The following INPP5B variants were observed in gnomAD, a reference collection of about 807,000 sequenced individuals.
INPP5B encodes inositol polyphosphate-5-phosphatase B.
A neutral mutation model predicts 118.5 loss-of-function variants in INPP5B; 90 were observed. The ratio of observed to expected loss-of-function variants is 0.76; its 90% confidence interval spans 0.64 to 0.90. INPP5B has a LOEUF of 0.90. Among genes scored for constraint, INPP5B ranks in the 40% least tolerant of loss-of-function variants. INPP5B has a pLI of 0.00. For synonymous variants in INPP5B, 385 were observed against 418.9 expected (o/e 0.92, Z 0.99); for missense variants, 984 against 1,125.6 (o/e 0.87, Z 1.80).
Position 37,911,047 on chromosome 1 carries a change from G to A in INPP5B, c.533-19593C>T, listed in dbSNP as rs997925303. On this transcript the variant is annotated intron_variant, in intron 7 of 23. Transcript: ENST00000373024. ...AGCTGAAGTGCAGGGCTGTGTGGTC[G>A]GAATTCTTACACAAGAGCCGGGACC... Among the ~76,000 whole-genome samples the A allele has an allele frequency of 5.3e-5, 8 of 152,218 alleles. No individual in the cohort carries two copies. In the East Asian group the frequency reaches 7.7e-4, roughly 15 times the overall value.
chr1:37,926,451 T>G (rs928572944), intron 7 of INPP5B, among the ~76,000 whole-genome samples: 6 of 152,106 alleles, frequency 3.9e-5, no homozygotes, highest in African/African-American at 1.4e-4. Flanking sequence ...GCCCAGCTAA[T>G]TTTTTATATT....
At chr1:37,911,105 A>G (rs1570258609) in intron 7 of INPP5B, among the ~76,000 whole-genome samples, 1 of 152,104 alleles carries the variant, frequency 6.6e-6, no homozygotes, top group Non-Finnish European at 1.5e-5. Flanking sequence ...AAACAACTTG[A>G]CCTTACTCTT....
At chr1:37,868,459 A>T in intron 20 of INPP5B, 42 bp downstream of exon 20, 1 of 1,344,078 alleles carries the variant, frequency 7.4e-7, no homozygotes. Flanking sequence ...TCCTCAAGGC[A>T]GCCTGGCCTC....
intron 6 of INPP5B, among the ~76,000 whole-genome samples, chr1:37,938,392 C>T (rs1023301184): frequency 4.0e-5 from 6 of 151,884 alleles, no homozygotes; most frequent in African/African-American, 1.5e-4. Flanking sequence ...TAACGCATGC[C>T]AAATCAACAA....
intron 7 of INPP5B, among the ~76,000 whole-genome samples, chr1:37,894,265 C>A (rs1643934718): frequency 6.6e-6 from 1 of 152,184 alleles, no homozygotes. Context: ...TCTTAGAGGT[C>A]ATTTCCTCCA....
rs186239920 is a variant in INPP5B at position 37,913,408 on chromosome 1, C to A, written c.532+18505G>T. 1.8e-3 allele frequency among the ~76,000 whole-genome samples: 273 copies of A among 152,266 alleles called. 1 individual carries two copies. Among genetic ancestry groups the A allele is most frequent in the African/African-American group, 5.0e-3 (207 of 41,554 alleles). On this transcript the variant is annotated intron_variant, in intron 7 of 23. Coordinates refer to ENST00000373024, the MANE Select transcript of INPP5B (RefSeq NM_005540.3). ...CCAATCAAATAATTACGCTGAACCCCCTTGGACACTCTCTAATTGGATATC... is the reference window on the plus strand; with the variant it reads ...CCAATCAAATAATTACGCTGAACCCACTTGGACACTCTCTAATTGGATATC...
At chr1:37,902,010 A>G (rs1486795971) in intron 7 of INPP5B, among the ~76,000 whole-genome samples, 2 of 149,968 alleles carry the variant, frequency 1.3e-5, no homozygotes, top group Non-Finnish European at 3.0e-5. Flanking sequence ...TTTTTGAGGC[A>G]GAGTCTTACT....
At chr1:37,935,577 CCT>C (rs1215773914) in intron 6 of INPP5B, among the ~76,000 whole-genome samples, 2 of 151,942 alleles carry the variant, frequency 1.3e-5, no homozygotes, top group South Asian at 2.1e-4. Flanking sequence ...ATCAGTTTGA[CCT>C]CTCTATTTTT....
At chr1:37,897,110 G>C (rs994968940) in intron 7 of INPP5B, among the ~76,000 whole-genome samples, 5 of 147,746 alleles carry the variant, frequency 3.4e-5, no homozygotes, top group South Asian at 4.3e-4. Flanking sequence ...GAGGGAGGTC[G>C]GGGGGGTCAG....
chr1:37,877,063 T>C (rs1378714566), intron 16 of INPP5B, among the ~76,000 whole-genome samples: 5 of 143,400 alleles, frequency 3.5e-5, no homozygotes, highest in Admixed American at 3.5e-4. Flanking sequence ...ACAGTGTCTT[T>C]TGAAAAAAAA....
chr1:37,894,969 G>A (rs528787035), intron 7 of INPP5B, among the ~76,000 whole-genome samples: 157 of 152,292 alleles, frequency 1.0e-3, no homozygotes, highest in Non-Finnish European at 2.0e-3. Flanking sequence ...GAACTAGAAT[G>A]GGTTATGTCT....
chr1:37,887,349 A>AC lies in INPP5B; in HGVS notation c.1014+1dup. The AC allele has an allele frequency of 6.4e-7, 1 of 1,558,026 alleles. No individual in the cohort carries two copies. The highest frequency in any genetic ancestry group is 2.2e-5 in the East Asian group (1 of 44,588). On this transcript the variant is annotated splice_donor_variant, in intron 11 of 23. Transcript: ENST00000373024. LOFTEE classifies it high-confidence loss of function. ...TTAAGAGGTCCCTGACTCCTCTCTT[A>AC]CCTTTGCATATTTGGCATCTGGATG...
At chr1:37,862,960 G>A (rs1453140446) in intron 23 of INPP5B, among the ~76,000 whole-genome samples, 4 of 152,218 alleles carry the variant, frequency 2.6e-5, no homozygotes, top group African/African-American at 9.6e-5. Flanking sequence ...TTGTGGGGGA[G>A]GCAGCCCTGC....
chr1:37,897,701 C>G (rs980892590), intron 7 of INPP5B, among the ~76,000 whole-genome samples: 2 of 151,574 alleles, frequency 1.3e-5, no homozygotes, highest in Non-Finnish European at 2.9e-5. Context: ...CCAAATCCCC[C>G]TCTGCGAGAA....
At chr1:37,940,991 C>T (rs1164625056) in intron 5 of INPP5B, among the ~76,000 whole-genome samples, 193 bp from the exon 6 acceptor site, 2 of 152,114 alleles carry the variant, frequency 1.3e-5, no homozygotes, top group African/African-American at 4.8e-5. Flanking sequence ...ACATCATCCC[C>T]TCTTTATACA....
intron 7 of INPP5B, among the ~76,000 whole-genome samples, chr1:37,906,876 AAG>A (rs1644519847): frequency 6.6e-6 from 1 of 151,626 alleles, no homozygotes; most frequent in African/African-American, 2.4e-5. Flanking sequence ...AAAAAAAAGA[AAG>A]AAAGAAAAAA....
chr1:37,894,325 T>C (rs1302569764), intron 7 of INPP5B, among the ~76,000 whole-genome samples: 2 of 152,094 alleles, frequency 1.3e-5, no homozygotes, highest in African/African-American at 4.8e-5. Context: ...CTGACATTGG[T>C]GTTTCCATAG....
intron 23 of INPP5B, among the ~76,000 whole-genome samples, chr1:37,863,738 C>T (rs375705493): frequency 5.9e-5 from 9 of 151,302 alleles, no homozygotes; most frequent in East Asian, 1.9e-4. Flanking sequence ...CACAAAACCA[C>T]GGTATTATAA....
chr1:37,942,625 C>T (rs1342178197), intron 5 of INPP5B, among the ~76,000 whole-genome samples: 1 of 150,528 alleles, frequency 6.6e-6, no homozygotes, highest in Non-Finnish European at 1.5e-5. Flanking sequence ...AAGAAAAAGG[C>T]AAGCCAGGTG....
Sources: gnomAD v4.1 joint callset for allele counts (sites outside exome capture counted in the v4.1 genomes callset) on GRCh38, gnomAD v4.1.1 for gene constraint, MANE v1.5 for transcripts, NCBI Gene and HGNC (gene_info 2026-07-23, HGNC 2026-07-21) for gene names.